The following KCNMA1 variants were observed in gnomAD, a reference collection of about 807,000 sequenced individuals.
KCNMA1 encodes potassium calcium-activated channel subfamily M alpha 1.
A neutral mutation model predicts 140.0 loss-of-function variants in KCNMA1; 29 were observed. The observed-to-expected ratio is 0.21, with a 90% CI of 0.15 to 0.28. The LOEUF (loss-of-function observed/expected upper bound fraction) is 0.28, where lower values mean the gene tolerates loss of function less well. Ranked by LOEUF, KCNMA1 falls within the 10% of genes least tolerant of loss-of-function variation. KCNMA1 has a pLI of 1.00. For synonymous variants in KCNMA1, 612 were observed against 611.9 expected, an observed-to-expected ratio of 1.00 and a Z score of 0.00; for missense variants, 880 against 1,602.2, an observed-to-expected ratio of 0.55 and a Z score of 7.70.
At chr10:77,470,637 G>C (rs2098129610) in intron 1 of KCNMA1, among the ~76,000 whole-genome samples, 1 of 152,228 alleles carries the variant, frequency 6.6e-6, no homozygotes, top group Non-Finnish European at 1.5e-5. Flanking sequence ...AGAGCAGAAA[G>C]AAGGCACTTG....
At chr10:77,037,431 C>T (rs2094406570) in intron 15 of KCNMA1, among the ~76,000 whole-genome samples, 2 of 152,318 alleles carry the variant, frequency 1.3e-5, no homozygotes, top group Admixed American at 1.3e-4. Flanking sequence ...TTGGAAATAT[C>T]AGCAACTAGT....
chr10:77,425,933 C>A (rs554900291), intron 1 of KCNMA1, among the ~76,000 whole-genome samples: 1 of 152,244 alleles, frequency 6.6e-6, no homozygotes, highest in African/African-American at 2.4e-5. Flanking sequence ...ATAAGCTAAG[C>A]AAGGGGCAGA....
chr10:77,171,237 T>C (rs1049754628), intron 5 of KCNMA1, among the ~76,000 whole-genome samples: 1 of 152,152 alleles, frequency 6.6e-6, no homozygotes, highest in African/African-American at 2.4e-5. Flanking sequence ...CCCAAATCTG[T>C]AATTTAACCA....
At chr10:77,205,616 G>C (rs986794989) in intron 3 of KCNMA1, among the ~76,000 whole-genome samples, 2 of 140,622 alleles carry the variant, frequency 1.4e-5, no homozygotes, top group Admixed American at 7.1e-5. Context: ...TTAGATTGAT[G>C]AAGGTTTCTT....
chr10:77,083,544 G>GGCAGT (rs1335111192), intron 12 of KCNMA1, among the ~76,000 whole-genome samples: 5 of 148,974 alleles, frequency 3.4e-5, no homozygotes, highest in Admixed American at 1.4e-4. Flanking sequence ...GGCAGGGCAG[G>GGCAGT]GCAGGGCCAC....
rs1438430924 is a variant in KCNMA1 at position 76,936,018 on chromosome 10, T to G, written c.2902+8755A>C. Among the ~76,000 whole-genome samples the G allele has an allele frequency of 2.6e-5, 4 of 152,212 alleles. No homozygotes were observed. In the South Asian group the frequency reaches 6.2e-4, roughly 24 times the overall value. The stretch of plus-strand genomic sequence containing the variant: ...CCTTGTTTCTCTTGCTAGGAATACA[T>G]TACTAGAATAGTAAATGGCAGGGTT... On this transcript the variant is annotated intron_variant, in intron 23 of 27. Transcript: ENST00000286628.
chr10:77,356,248 T>C (rs2093469397), intron 2 of KCNMA1, among the ~76,000 whole-genome samples: 2 of 152,296 alleles, frequency 1.3e-5, no homozygotes, highest in South Asian at 4.1e-4. Flanking sequence ...TTCTCTCCTG[T>C]AAAATAGGGC....
intron 5 of KCNMA1, among the ~76,000 whole-genome samples, chr10:77,163,630 A>G (rs2098597759): frequency 2.6e-5 from 4 of 152,236 alleles, no homozygotes; most frequent in Non-Finnish European, 4.4e-5. Context: ...AGGCTCATCA[A>G]GTAACCTTCC....
intron 1 of KCNMA1, among the ~76,000 whole-genome samples, chr10:77,406,900 A>G (rs1387710668): frequency 6.6e-6 from 1 of 152,134 alleles, no homozygotes; most frequent in Non-Finnish European, 1.5e-5. Context: ...CAAGTTCCAC[A>G]GCCCCTTGGT....
At chr10:77,586,922 T>G (rs1447320169) in intron 1 of KCNMA1, 1 of 152,216 alleles carries the variant, frequency 6.6e-6, no homozygotes, top group Non-Finnish European at 1.5e-5. Flanking sequence ...AGCCTAAGAA[T>G]TTTCTACTCC....
rs562785176 is a variant in KCNMA1, at chr10:77,554,019, T to C, written c.378+83246A>G. On this transcript the variant is annotated intron_variant, in intron 1 of 27. Transcript: ENST00000286628. ...CCAACAGATGATACTGTGGCTACGATGGGCAGCTCAGATGTAGGCCACTGG... is the reference window on the plus strand; with the variant it reads ...CCAACAGATGATACTGTGGCTACGACGGGCAGCTCAGATGTAGGCCACTGG... Among the ~76,000 whole-genome samples, 88 of 151,968 alleles carry C rather than the reference T, an allele frequency of 5.8e-4. 1 individual carries two copies. Among genetic ancestry groups the C allele is most frequent in the Non-Finnish European group, 1.1e-3 (73 of 67,968 alleles).
chr10:76,906,394 T>C (rs569773188), intron 25 of KCNMA1, among the ~76,000 whole-genome samples: 17 of 152,356 alleles, frequency 1.1e-4, no homozygotes, highest in African/African-American at 4.1e-4. Flanking sequence ...TCTCATCCTG[T>C]GTTTCTGCTG....
chr10:77,213,818 G>T (rs2046873961), intron 3 of KCNMA1, among the ~76,000 whole-genome samples: 1 of 152,026 alleles, frequency 6.6e-6, no homozygotes, highest in African/African-American at 2.4e-5. Flanking sequence ...TGATATCTCG[G>T]CCTCAAACAC....
chr10:77,269,180 A>G (rs1417632235), intron 2 of KCNMA1, among the ~76,000 whole-genome samples: 1 of 152,194 alleles, frequency 6.6e-6, no homozygotes. Flanking sequence ...TTTCACCATT[A>G]GAGATTACTT....
rs74961397 is a variant in KCNMA1 at position 77,247,543 on chromosome 10, T to C, written c.602+3652A>G. 3.6e-3 allele frequency among the ~76,000 whole-genome samples: 542 copies of C among 152,282 alleles called. 1 individual carries two copies. The highest frequency in any genetic ancestry group is 0.012 in the African/African-American group (505 of 41,548). On this transcript the variant is annotated intron_variant, in intron 3 of 27. Transcript: ENST00000286628. Reference sequence around the variant, plus strand: ...AATCTTTGCTTCACAAGGATCAGAATATGTGGGAGGACAGGGTTGGCGTTG... The same window carrying C: ...AATCTTTGCTTCACAAGGATCAGAACATGTGGGAGGACAGGGTTGGCGTTG...
intron 2 of KCNMA1, among the ~76,000 whole-genome samples, chr10:77,357,727 T>C (rs2093616585): frequency 6.6e-6 from 1 of 152,248 alleles, no homozygotes; most frequent in African/African-American, 2.4e-5. Context: ...TGATGTTTTA[T>C]AGATTCCAGA....
At chr10:76,973,894 A>T (rs1445990417) in intron 19 of KCNMA1, 1 of 152,186 alleles carries the variant, frequency 6.6e-6, no homozygotes, top group Non-Finnish European at 1.5e-5. Context: ...TCCCTAATTC[A>T]GTCTAATGCC....
intron 3 of KCNMA1, chr10:77,249,591 G>C (rs1188450198): frequency 1.3e-5 from 2 of 152,118 alleles, no homozygotes; most frequent in African/African-American, 2.4e-5. Context: ...TCTTTCTCTG[G>C]GACATACAAG....
chr10:77,518,939 C>T (rs528801688), intron 1 of KCNMA1, among the ~76,000 whole-genome samples: 7 of 152,324 alleles, frequency 4.6e-5, no homozygotes, highest in South Asian at 2.1e-4. Context: ...CCACTGTCCA[C>T]GCATGGTTAC....
Sources: allele counts gnomAD v4.1 joint callset (sites outside exome capture counted in the v4.1 genomes callset), GRCh38; gene constraint gnomAD v4.1.1; transcripts MANE v1.5; gene names NCBI Gene and HGNC (gene_info 2026-07-23, HGNC 2026-07-21).